The following ADAMTS17 variants were observed in gnomAD, a reference collection of about 807,000 sequenced individuals.
ADAMTS17 encodes the protein A disintegrin and metalloproteinase with thrombospondin motifs 17.
ADAMTS17 carries 113 observed loss-of-function variants against 141.5 expected under a neutral mutation model. That is an observed-to-expected ratio of 0.80 (90% CI 0.69 to 0.93). The LOEUF is 0.93. Among genes scored for constraint, ADAMTS17 ranks in the 40% least tolerant of loss-of-function variants. The pLI is 0.00. For synonymous variants in ADAMTS17, 768 were observed against 630.6 expected, an observed-to-expected ratio of 1.22 and a Z score of -3.27; for missense variants, 1,659 against 1,517.9, an observed-to-expected ratio of 1.09 and a Z score of -1.54.
intron 3 of ADAMTS17, among the ~76,000 whole-genome samples, chr15:100,292,586 A>C (rs920924185): frequency 3.3e-5 from 5 of 151,642 alleles, no homozygotes; most frequent in Admixed American, 2.6e-4. Flanking sequence ...GAGAGACACT[A>C]ACCCCGTGTG....
intron 8 of ADAMTS17, among the ~76,000 whole-genome samples, chr15:100,188,971 C>G (rs1365650979): frequency 6.6e-6 from 1 of 152,266 alleles, no homozygotes; most frequent in African/African-American, 2.4e-5. Flanking sequence ...AGCTGCAACA[C>G]TGAGCATCGG....
intron 15 of ADAMTS17, among the ~76,000 whole-genome samples, chr15:100,085,705 G>T (rs2035055873): frequency 6.6e-6 from 1 of 150,412 alleles, no homozygotes; most frequent in Non-Finnish European, 1.5e-5. Flanking sequence ...CATTCTTAAA[G>T]AAAAGAATTT....
At chr15:100,098,773 G>A (rs1273816502) in intron 14 of ADAMTS17, among the ~76,000 whole-genome samples, 1 of 152,220 alleles carries the variant, frequency 6.6e-6, no homozygotes, top group Admixed American at 6.5e-5. Flanking sequence ...CCACGTGTCT[G>A]TTGCTTTGTT....
At chr15:100,027,019 G>C (rs1394340233) in intron 18 of ADAMTS17, among the ~76,000 whole-genome samples, 1 of 152,214 alleles carries the variant, frequency 6.6e-6, no homozygotes, top group South Asian at 2.1e-4. Flanking sequence ...ATCACATTGT[G>C]TTTTAATGTG....
At chr15:100,126,735 T>C (rs1383963876) in intron 12 of ADAMTS17, among the ~76,000 whole-genome samples, 1 of 152,204 alleles carries the variant, frequency 6.6e-6, no homozygotes, top group Non-Finnish European at 1.5e-5. Flanking sequence ...CTGGGGCAAG[T>C]GCACATCCAG....
intron 8 of ADAMTS17, among the ~76,000 whole-genome samples, chr15:100,192,756 G>C (rs1359077396): frequency 6.6e-6 from 1 of 152,186 alleles, no homozygotes. Flanking sequence ...CACACATCTG[G>C]ATAATGGCTT....
At chr15:100,102,274 G>T (rs2036145430) in intron 14 of ADAMTS17, among the ~76,000 whole-genome samples, 2 of 151,824 alleles carry the variant, frequency 1.3e-5, no homozygotes, top group African/African-American at 2.4e-5. Flanking sequence ...GCAACAGGAA[G>T]CCCGACCGAA....
At chr15:100,123,588 T>C (rs1176293180) in intron 12 of ADAMTS17, among the ~76,000 whole-genome samples, 2 of 152,314 alleles carry the variant, frequency 1.3e-5, no homozygotes, top group Non-Finnish European at 2.9e-5. Flanking sequence ...CACTTTCACA[T>C]AAACAGTGAT....
At chr15:100,152,888 A>G in intron 9 of ADAMTS17, 126 bp from the exon 10 acceptor site, 5 of 954,890 alleles carry the variant, frequency 5.2e-6, no homozygotes, top group Non-Finnish European at 4.1e-6. Flanking sequence ...TTATGGAAAA[A>G]GGACGCAGGC....
intron 15 of ADAMTS17, among the ~76,000 whole-genome samples, chr15:100,086,573 C>A (rs1021589030): frequency 5.3e-5 from 8 of 152,224 alleles, no homozygotes; most frequent in Admixed American, 3.9e-4. Context: ...ACACTTATTC[C>A]AAAATTGACC....
chr15:100,261,561 C>G lies in ADAMTS17; in HGVS notation c.949G>C (p.Gly317Arg). ...FCHWQNEEYG[G>R]ARYLGNNQVP... is the part of the protein sequence containing the mutation. ...TGGTTATTGCCGAGGTATCGCGCTC[C>G]TCCATACTCCTCGTTCTGCCAGTGA... Residue 317 changes from glycine (G) to arginine (R), a missense_variant, in exon 6 of 22, where the codon GGA becomes CGA. Transcript: ENST00000268070. The G allele has an allele frequency of 6.2e-7, 1 of 1,614,214 alleles. No homozygotes were observed. The highest frequency in any genetic ancestry group is 8.5e-7 in the Non-Finnish European group (1 of 1,180,034).
intron 8 of ADAMTS17, chr15:100,168,662 G>A (rs914826416): frequency 6.6e-6 from 1 of 152,250 alleles, no homozygotes; most frequent in African/African-American, 2.4e-5. Flanking sequence ...TTTTAGGGAA[G>A]TCTACAGCCA....
intron 18 of ADAMTS17, among the ~76,000 whole-genome samples, chr15:100,025,558 C>G (rs2437431): frequency 0.045 from 6,789 of 151,958 alleles, 314 homozygotes; most frequent in African/African-American, 0.12. Flanking sequence ...ATTATAGGCA[C>G]TCGCCACCAC....
intron 18 of ADAMTS17, among the ~76,000 whole-genome samples, chr15:100,041,325 C>A (rs376923332): frequency 2.0e-5 from 3 of 152,148 alleles, no homozygotes; most frequent in Non-Finnish European, 4.4e-5. Flanking sequence ...ATCATAAATA[C>A]CATAGGGAAA....
chr15:100,042,152 T>G (rs2727161), intron 18 of ADAMTS17, among the ~76,000 whole-genome samples: 99,223 of 152,002 alleles, frequency 0.65, 33,962 homozygotes, highest in Non-Finnish European at 0.77. Context: ...TTTTTACTTG[T>G]GTGTCCAATC....
At chr15:100,227,839 AG>A (rs993829815) in intron 7 of ADAMTS17, among the ~76,000 whole-genome samples, 1 of 152,254 alleles carries the variant, frequency 6.6e-6, no homozygotes, top group East Asian at 1.9e-4. Flanking sequence ...GTGGGCACAC[AG>A]CCCAGCAATG....
chr15:100,046,640 T>C (rs919879837), intron 18 of ADAMTS17, among the ~76,000 whole-genome samples: 18 of 152,252 alleles, frequency 1.2e-4, no homozygotes, highest in African/African-American at 4.3e-4. Flanking sequence ...TAATTTCTTA[T>C]GCCTGTCTTT....
intron 15 of ADAMTS17, among the ~76,000 whole-genome samples, chr15:100,083,857 G>A (rs774069607): frequency 6.6e-6 from 1 of 151,648 alleles, no homozygotes; most frequent in African/African-American, 2.4e-5. Flanking sequence ...GCAAGGGCAA[G>A]GTTTTTGAGC....
rs75882547 is a variant in ADAMTS17, at chr15:100,242,989, C to T, written c.1075+11147G>A. Reference sequence around the variant, plus strand: ...ATTAAACACAAATTCCCCATGACCGCGTTCCTCAGCTCCTGGCAACTGCCA... The same window carrying T: ...ATTAAACACAAATTCCCCATGACCGTGTTCCTCAGCTCCTGGCAACTGCCA... On this transcript the variant is annotated intron_variant, in intron 7 of 21. Transcript: ENST00000268070. Among the ~76,000 whole-genome samples, 342 of 152,356 alleles carry T rather than the reference C, an allele frequency of 2.2e-3. 4 individuals are homozygous for T. The East Asian group carries it at 0.028, about 12-fold the overall frequency.
Sources: allele counts gnomAD v4.1 joint callset (sites outside exome capture counted in the v4.1 genomes callset), GRCh38; gene constraint gnomAD v4.1.1; transcripts MANE v1.5; gene names NCBI Gene and HGNC (gene_info 2026-07-23, HGNC 2026-07-21).